Variants in ENPP2 observed in about 807,000 individuals in gnomAD.
ENPP2 encodes ectonucleotide pyrophosphatase/phosphodiesterase 2.
Under a neutral mutation model 120.2 loss-of-function variants are expected in ENPP2, and 51 were observed. The observed-to-expected ratio is 0.42, with a 90% CI of 0.34 to 0.54. The LOEUF is 0.54. ENPP2 is among the 20% of genes least tolerant of loss of function. The pLI is 0.04. For missense variants in ENPP2, 920 were observed against 1,066.5 expected (o/e 0.86, Z 1.91); for synonymous variants, 365 against 366.4 (o/e 1.00, Z 0.04).
chr8:119,593,118 G>A (rs755821360), intron 12 of ENPP2: 1 of 170,062 alleles, frequency 5.9e-6, no homozygotes, highest in Non-Finnish European at 1.2e-5. Context: ...TAATGTTTAT[G>A]ATGCTCTTGA....
chr8:119,669,323 T>A (rs1194367790), intron 1 of ENPP2, among the ~76,000 whole-genome samples: 2 of 152,264 alleles, frequency 1.3e-5, no homozygotes, highest in African/African-American at 2.4e-5. Context: ...TGTGAACTGA[T>A]TAAAGTTTAT....
intron 1 of ENPP2, among the ~76,000 whole-genome samples, chr8:119,647,862 G>A (rs1043395916): frequency 6.6e-6 from 1 of 152,090 alleles, no homozygotes; most frequent in African/African-American, 2.4e-5. Context: ...AAAATTAGCT[G>A]GGCATGGTGG....
In ENPP2 at chr8:119,592,757, T is replaced by A. The variant is rs1288442897; in HGVS notation, c.1081+995A>T. Among the ~76,000 whole-genome samples the A allele has an allele frequency of 6.0e-5, 9 of 150,528 alleles. No homozygotes were observed. The East Asian group carries it at 1.8e-3, about 29-fold the overall frequency. ...GTGTGTAGCTCTCCACTAAGCCGAA[T>A]GCATGGAGCATGACTTCGCAAAGGG... On this transcript the variant is annotated intron_variant, in intron 12 of 24. Transcript: ENST00000075322.
intron 22 of ENPP2, among the ~76,000 whole-genome samples, chr8:119,566,306 C>T (rs1016460528): frequency 2.6e-5 from 4 of 152,048 alleles, no homozygotes; most frequent in African/African-American, 4.8e-5. Flanking sequence ...AATATTAGAT[C>T]GAATTCGCCA....
chr8:119,623,202 A>G (rs1587509036), intron 3 of ENPP2, among the ~76,000 whole-genome samples: 1 of 152,304 alleles, frequency 6.6e-6, no homozygotes, highest in East Asian at 1.9e-4. Context: ...TCAGTGGCTC[A>G]TGTCTGTAAT....
At chr8:119,605,263 G>A (rs1814623739) in intron 9 of ENPP2, among the ~76,000 whole-genome samples, 1 of 151,840 alleles carries the variant, frequency 6.6e-6, no homozygotes. Context: ...GGAGAGATGG[G>A]GTTTTGCCAT....
intron 2 of ENPP2, 96 bp downstream of exon 2, chr8:119,638,329 A>G (rs922113348): frequency 5.3e-5 from 36 of 676,228 alleles, no homozygotes; most frequent in Admixed American, 1.5e-4. Flanking sequence ...ATACTGCAAG[A>G]TTGTATTAAA....
intron 22 of ENPP2, among the ~76,000 whole-genome samples, chr8:119,566,526 C>G (rs1324062826): frequency 6.6e-6 from 1 of 152,062 alleles, no homozygotes; most frequent in Admixed American, 6.5e-5. Flanking sequence ...GAAAGGAGTT[C>G]AAACGTTAAC....
intron 1 of ENPP2, among the ~76,000 whole-genome samples, chr8:119,652,838 A>G (rs1817663739): frequency 6.6e-6 from 1 of 152,358 alleles, no homozygotes; most frequent in East Asian, 1.9e-4. Flanking sequence ...AGTTTAAAAA[A>G]TAAGATCTGA....
At position 119,626,739 on chromosome 8, in the gene ENPP2, A is replaced by G. The variant is rs1816306389; in HGVS notation, c.137-19T>C. ...GATAGCACTGCAAAGAACAAGAGGCAAAAACAATGGACTGGAGAGTGGTCA... is the reference window on the plus strand; with the variant it reads ...GATAGCACTGCAAAGAACAAGAGGCGAAAACAATGGACTGGAGAGTGGTCA... On this transcript the variant is annotated intron_variant, in intron 2 of 24. Coordinates refer to ENST00000075322, the MANE Select transcript of ENPP2 (RefSeq NM_001040092.3). 6.2e-7 allele frequency: 1 copy of G among 1,612,622 alleles called. No homozygotes were observed. The highest frequency in any genetic ancestry group is 1.3e-5 in the African/African-American group (1 of 74,902).
chr8:119,571,146 GA>G (rs1587349794), intron 19 of ENPP2: 1 of 186,414 alleles, frequency 5.4e-6, no homozygotes, highest in Non-Finnish European at 1.1e-5. Context: ...AATAAATTTT[GA>G]AATGATTCAG....
intron 1 of ENPP2, among the ~76,000 whole-genome samples, chr8:119,659,713 T>C (rs1179137454): frequency 6.6e-6 from 1 of 152,224 alleles, no homozygotes; most frequent in Non-Finnish European, 1.5e-5. Context: ...TAAGAAAATA[T>C]GCTTCAAAGG....
At chr8:119,613,204 G>T (rs769241453) in intron 8 of ENPP2, among the ~76,000 whole-genome samples, 1 of 152,154 alleles carries the variant, frequency 6.6e-6, no homozygotes, top group Non-Finnish European at 1.5e-5. Context: ...GAAATGCAGG[G>T]TCCTACAGCA....
At chr8:119,659,320 T>TAAAAAAAAAAAAAAAAAAAAAAAAA (rs750701293) in intron 1 of ENPP2, among the ~76,000 whole-genome samples, 9 of 64,898 alleles carry the variant, frequency 1.4e-4, no homozygotes, top group African/African-American at 3.8e-4. Context: ...CTGTCTCAAT[T>TAAAAAAAAAAAAAAAAAAAAAAAAA]AAAAAAAAAA....
intron 1 of ENPP2, among the ~76,000 whole-genome samples, chr8:119,671,024 C>T (rs988332687): frequency 1.3e-5 from 2 of 151,556 alleles, no homozygotes; most frequent in Non-Finnish European, 2.9e-5. Context: ...CAGTGGCTCA[C>T]GCCTGTAATC....
intron 9 of ENPP2, among the ~76,000 whole-genome samples, chr8:119,607,485 C>G (rs1294806558): frequency 1.3e-5 from 2 of 151,994 alleles, no homozygotes; most frequent in East Asian, 3.9e-4. Flanking sequence ...ACCAGCCTCG[C>G]AAACGTGGTG....
intron 23 of ENPP2, 151 bp from the exon 24 acceptor site, chr8:119,563,164 T>C: frequency 1.6e-6 from 1 of 635,632 alleles, no homozygotes; most frequent in East Asian, 2.9e-5. Flanking sequence ...AGCCCACTTC[T>C]ATGTCTTTGA....
chr8:119,609,220 G>A (rs957165732), intron 8 of ENPP2, among the ~76,000 whole-genome samples: 2 of 152,116 alleles, frequency 1.3e-5, no homozygotes, highest in African/African-American at 2.4e-5. Context: ...GGGAAAGCTC[G>A]AAAAGGGTTC....
intron 21 of ENPP2, 147 bp from the exon 22 acceptor site, chr8:119,568,399 C>T (rs1229556877): frequency 1.0e-5 from 6 of 599,322 alleles, no homozygotes; most frequent in South Asian, 2.2e-5. Context: ...CTCCTAACTG[C>T]GTTATACAAC....
Sources: allele counts gnomAD v4.1 joint callset (sites outside exome capture counted in the v4.1 genomes callset), GRCh38; gene constraint gnomAD v4.1.1; transcripts MANE v1.5; gene names NCBI Gene and HGNC (gene_info 2026-07-23, HGNC 2026-07-21).